The following CD200 variants were observed in gnomAD, a reference collection of about 807,000 sequenced individuals.
CD200 encodes OX-2 membrane glycoprotein.
CD200 carries 15 observed loss-of-function variants against 30.9 expected under a neutral mutation model. The ratio of observed to expected loss-of-function variants is 0.49; its 90% confidence interval spans 0.32 to 0.75. The LOEUF is 0.75. CD200 is among the 30% of genes least tolerant of loss of function. CD200 has a pLI of 0.03. For missense variants in CD200, 262 were observed against 324.2 expected (o/e 0.81, Z 1.47); for synonymous variants, 134 against 126.2 (o/e 1.06, Z -0.41).
chr3:112,337,626 T>C (rs1031198632), intron 1 of CD200, among the ~76,000 whole-genome samples: 2 of 152,178 alleles, frequency 1.3e-5, no homozygotes, highest in Non-Finnish European at 2.9e-5. Context: ...AGTGTGTAAA[T>C]ACATAAGCTG....
intron 5 of CD200, among the ~76,000 whole-genome samples, chr3:112,359,592 T>C (rs1196937361): frequency 6.6e-6 from 1 of 152,210 alleles, no homozygotes; most frequent in Non-Finnish European, 1.5e-5. Flanking sequence ...TTCCATCTGA[T>C]AGGTGATAAA....
At chr3:112,339,822 G>C (rs2081197863) in intron 1 of CD200, among the ~76,000 whole-genome samples, 1 of 152,228 alleles carries the variant, frequency 6.6e-6, no homozygotes, top group Non-Finnish European at 1.5e-5. Context: ...ACTAATGACA[G>C]TGATGACTTG....
At chr3:112,333,867 AACAG>A in intron 1 of CD200, 1 of 985,454 alleles carries the variant, frequency 1.0e-6, no homozygotes, top group Non-Finnish European at 1.2e-6. Flanking sequence ...TATCTAGAGA[AACAG>A]ACATTTTGTT....
intron 3 of CD200, among the ~76,000 whole-genome samples, chr3:112,345,723 G>A (rs2081372339): frequency 6.6e-6 from 1 of 152,218 alleles, no homozygotes. Context: ...TAAGGACAGA[G>A]CCAGATTGGA....
At chr3:112,341,601 C>T (rs1247409967) in intron 2 of CD200, among the ~76,000 whole-genome samples, 1 of 152,182 alleles carries the variant, frequency 6.6e-6, no homozygotes, top group Non-Finnish European at 1.5e-5. Flanking sequence ...TGGTGAAGAT[C>T]AGATAGGCTT....
At chr3:112,335,862 C>T in intron 1 of CD200, 4 of 983,870 alleles carry the variant, frequency 4.1e-6, no homozygotes, top group Non-Finnish European at 4.9e-6. Flanking sequence ...ACACAACCAC[C>T]TCCAGGGTAC....
At chr3:112,357,258 C>CAAAAA (rs753148544) in intron 5 of CD200, among the ~76,000 whole-genome samples, 10 of 81,540 alleles carry the variant, frequency 1.2e-4, no homozygotes, top group East Asian at 1.1e-3. Context: ...GAGACTGTCT[C>CAAAAA]AAAAAAAAAA....
At position 112,342,271 on chromosome 3, in the gene CD200, G is replaced by GTCCT. The variant is rs745418625; in HGVS notation, c.94+1322_94+1325dup. ...AGAATTAAATGTTTCTCTGAGAACTGTCCTTCCTTCCTTCCTTCCTTCCTT... is the reference window on the plus strand; with the variant it reads ...AGAATTAAATGTTTCTCTGAGAACTGTCCTTCCTTCCTTCCTTCCTTCCTTCCTT... On this transcript the variant is annotated intron_variant, in intron 2 of 5. Coordinates refer to ENST00000315711, the MANE Select transcript of CD200 (RefSeq NM_005944.7). 6.5e-3 allele frequency among the ~76,000 whole-genome samples: 490 copies of GTCCT among 75,666 alleles called. 93 individuals are homozygous for GTCCT. Among genetic ancestry groups the GTCCT allele is most frequent in the African/African-American group, 0.02 (343 of 17,558 alleles). The allele number at this position is 75,666 out of a possible 152,430, so 49.6% of individuals were successfully genotyped here. A position where few individuals can be genotyped will look rare whatever the true frequency, so the allele number is the denominator to read the frequency against.
In CD200 at chr3:112,361,817, A is replaced by T. The variant is rs971295792; in HGVS notation, c.*267A>T. ...TGTTATGTGGTTGAAAGGGCACTGGACTTAGTTAGTATCAGGAGCACTGAG... is the reference window on the plus strand; with the variant it reads ...TGTTATGTGGTTGAAAGGGCACTGGTCTTAGTTAGTATCAGGAGCACTGAG... On this transcript the variant is annotated 3_prime_UTR_variant, in exon 6 of 6. Coordinates refer to ENST00000315711, the MANE Select transcript of CD200 (RefSeq NM_005944.7). 1.9e-6 allele frequency: 1 copy of T among 537,980 alleles called. No individual in the cohort carries two copies. Among genetic ancestry groups the T allele is most frequent in the Non-Finnish European group, 3.3e-6 (1 of 301,264 alleles). 33.3% of individuals were successfully genotyped at this position (537,980 alleles called of 1,614,324 possible). A position where few individuals can be genotyped will look rare whatever the true frequency, so the allele number is the denominator to read the frequency against.
chr3:112,350,118 T>C (rs1407701802), intron 5 of CD200: 1 of 259,248 alleles, frequency 3.9e-6, no homozygotes, highest in South Asian at 1.4e-4. Context: ...CCCTTTCCAC[T>C]CATTAATGAG....
intron 2 of CD200, among the ~76,000 whole-genome samples, chr3:112,342,413 CT>C (rs1178824259): frequency 1.5e-5 from 1 of 64,948 alleles, no homozygotes; most frequent in African/African-American, 6.0e-5. Context: ...TTCTTTCTTT[CT>C]TTCTTTCTTT....
chr3:112,340,335 T>C (rs951006053), intron 1 of CD200, among the ~76,000 whole-genome samples: 1 of 152,128 alleles, frequency 6.6e-6, no homozygotes, highest in African/African-American at 2.4e-5. Flanking sequence ...AGGCCGAGGA[T>C]TTCTGCCCAG....
intron 2 of CD200, among the ~76,000 whole-genome samples, chr3:112,344,160 A>G (rs2081331171): frequency 1.3e-5 from 2 of 152,070 alleles, no homozygotes; most frequent in South Asian, 2.1e-4. Context: ...CAAAGTATTT[A>G]TTGTCTTATG....
intron 5 of CD200, among the ~76,000 whole-genome samples, chr3:112,352,474 G>A (rs917894409): frequency 6.6e-6 from 1 of 151,950 alleles, no homozygotes; most frequent in Non-Finnish European, 1.5e-5. Flanking sequence ...ATAATACAAA[G>A]GTTTTGAACT....
At chr3:112,335,840 G>A (rs1429175613) in intron 1 of CD200, 2 of 826,852 alleles carry the variant, frequency 2.4e-6, no homozygotes, top group African/African-American at 1.7e-5. Flanking sequence ...TGACAGCTCT[G>A]GTGCTCAACA....
In CD200 at chr3:112,341,008, T is replaced by G. The variant is rs773014494; in HGVS notation, c.94+25T>G. The G allele has an allele frequency of 2.0e-6, 3 of 1,489,120 alleles. No individual in the cohort carries two copies. In the Admixed American group the frequency reaches 5.0e-5, roughly 25 times the overall value. 92.2% of individuals were successfully genotyped at this position (1,489,120 alleles called of 1,614,324 possible). A position where few individuals can be genotyped will look rare whatever the true frequency, so the allele number is the denominator to read the frequency against. On this transcript the variant is annotated intron_variant, in intron 2 of 5. Coordinates refer to ENST00000315711, the MANE Select transcript of CD200 (RefSeq NM_005944.7). ...GGTAAAGAAACTCAATTCCCCTGCT[T>G]GGAGCCCAGCAAACACAATTTCTGG...
intron 2 of CD200, 40 bp downstream of exon 2, chr3:112,341,023 A>C (rs1472846331): frequency 1.5e-6 from 2 of 1,300,372 alleles, no homozygotes; most frequent in East Asian, 2.3e-5. Flanking sequence ...CCCAGCAAAC[A>C]CAATTTCTGG....
At chr3:112,336,598 C>A (rs1344106775) in intron 1 of CD200, among the ~76,000 whole-genome samples, 1 of 151,308 alleles carries the variant, frequency 6.6e-6, no homozygotes, top group African/African-American at 2.4e-5. Context: ...AAAGCAAGGT[C>A]ATTTAAGTGA....
At chr3:112,350,359 A>G (rs1032508241) in intron 5 of CD200, among the ~76,000 whole-genome samples, 2 of 152,202 alleles carry the variant, frequency 1.3e-5, no homozygotes, top group Admixed American at 6.5e-5. Context: ...CTATCACAGC[A>G]TCTTATATAT....
Sources: allele counts gnomAD v4.1 joint callset (sites outside exome capture counted in the v4.1 genomes callset), GRCh38; gene constraint gnomAD v4.1.1; transcripts MANE v1.5; gene names NCBI Gene and HGNC (gene_info 2026-07-23, HGNC 2026-07-21).